The following ATP2B3 variants were observed in gnomAD, a reference collection of about 807,000 sequenced individuals.
ATP2B3 encodes the protein ATPase plasma membrane Ca2+ transporting 3.
ATP2B3 carries 12 observed loss-of-function variants against 70.8 expected under a neutral mutation model. The observed-to-expected ratio is 0.17, with a 90% confidence interval of 0.11 to 0.27. The LOEUF (loss-of-function observed/expected upper bound fraction) is 0.27. Among genes scored for constraint, ATP2B3 ranks in the 10% least tolerant of loss-of-function variants. ATP2B3 has a pLI of 1.00. For synonymous variants in ATP2B3, 460 were observed against 497.8 expected (o/e 0.92, Z 1.01); for missense variants, 858 against 1,118.5 (o/e 0.77, Z 3.32).
chrX:153,544,640 G>A (rs1201316585), intron 7 of ATP2B3, among the ~76,000 whole-genome samples: 1 of 109,813 alleles, frequency 9.1e-6, no homozygotes, highest in Non-Finnish European at 1.9e-5. Context: ...CGTCTCTCCC[G>A]CCCCATCCCC....
At chrX:153,557,279 G>T (rs2090553117) in intron 16 of ATP2B3, among the ~76,000 whole-genome samples, 2 of 112,169 alleles carry the variant, frequency 1.8e-5, no homozygotes, top group Non-Finnish European at 3.8e-5. Flanking sequence ...GAAGGGGAAT[G>T]GGGGGTGGGG....
Position 153,558,104 on chromosome X carries a change from C to T in ATP2B3, c.2434-8C>T. 1 of 1,200,619 alleles carries T rather than the reference C, an allele frequency of 8.3e-7. No homozygotes were observed. Among genetic ancestry groups the T allele is most frequent in the South Asian group, 1.8e-5 (1 of 55,032 alleles). The stretch of plus-strand genomic sequence containing the variant: ...CACTCTGTGTGAGTGTGTGTGTCAC[C>T]CCCCCAGGGCATCGCAGGGACCGAC... On this transcript the variant is annotated splice_region_variant and splice_polypyrimidine_tract_variant and intron_variant, in intron 16 of 21. Transcript: ENST00000263519.
chrX:153,536,560 C>A (rs1557004236), intron 3 of ATP2B3, 105 bp downstream of exon 3: 1 of 890,697 alleles, frequency 1.1e-6, no homozygotes, highest in African/African-American at 2.0e-5. Context: ...CAAGGGCCAC[C>A]TGTGCCCCTC....
intron 13 of ATP2B3, 95 bp from the exon 14 acceptor site, chrX:153,555,954 G>A (rs2090527869): frequency 4.8e-6 from 5 of 1,041,118 alleles, no homozygotes; most frequent in Non-Finnish European, 6.7e-6. Context: ...GCTGGACCTT[G>A]GGCCACCTGC....
chrX:153,567,989 A>T (rs1277914724), intron 21 of ATP2B3, among the ~76,000 whole-genome samples: 1 of 111,992 alleles, frequency 8.9e-6, no homozygotes, highest in Non-Finnish European at 1.9e-5. Flanking sequence ...CGTATGCCCC[A>T]AGCCAAGAAA....
chrX:153,536,717 G>A (rs1309038896), intron 3 of ATP2B3, among the ~76,000 whole-genome samples: 1 of 112,326 alleles, frequency 8.9e-6, no homozygotes, highest in Non-Finnish European at 1.9e-5. Context: ...ACACACACAG[G>A]CGGAATGGGC....
At chrX:153,569,216 G>T (rs782100481) in intron 21 of ATP2B3, 18 of 418,589 alleles carry the variant, frequency 4.3e-5, no homozygotes, top group Non-Finnish European at 6.3e-5. Context: ...AGCAGGGCGG[G>T]TTCTAATAGG....
chrX:153,579,864 A>C, intron 21 of ATP2B3, 114 bp from the exon 22 acceptor site: 2 of 675,140 alleles, frequency 3.0e-6, no homozygotes, highest in Non-Finnish European at 2.2e-6. Context: ...CCAGCCGGCC[A>C]CTGACTGTCT....
intron 21 of ATP2B3, chrX:153,569,786 A>C (rs377180849): frequency 1.7e-6 from 2 of 1,198,211 alleles, no homozygotes; most frequent in Non-Finnish European, 2.3e-6. Context: ...TTCTCTCATA[A>C]ATGGCATCTC....
chrX:153,537,548 G>A (rs1329235524), intron 3 of ATP2B3, among the ~76,000 whole-genome samples: 1 of 113,379 alleles, frequency 8.8e-6, no homozygotes, highest in African/African-American at 3.2e-5. Context: ...GAGGAGGGGG[G>A]CTGCGGGCCA....
At chrX:153,558,425 T>C in intron 17 of ATP2B3, 122 bp downstream of exon 17, 1 of 749,545 alleles carries the variant, frequency 1.3e-6, no homozygotes, top group Non-Finnish European at 1.9e-6. Flanking sequence ...ATCAAATTCA[T>C]ATGCCAAAAA....
Position 153,559,811 on chromosome X carries a change from CA to C in ATP2B3, c.2709del (p.Thr905GlnfsTer21). On this transcript the variant is annotated frameshift_variant, in exon 18 of 22. Transcript: ENST00000263519. LOFTEE classifies it high-confidence loss of function. ...GCCTCTCTGGCCCTGGCGACGGAGC[CA>C]CCCACAGAGTCGCTGCTGCTGCGGA... ...TFASLALATEPPTESLLLRKP... is the reference protein window; with the variant it reads ...TFASLALATEXPTESLLLRKP... 8.2e-7 allele frequency: 1 copy of C among 1,212,151 alleles called. No homozygotes were observed.
At chrX:153,530,088 T>C (rs782347524) in intron 2 of ATP2B3, among the ~76,000 whole-genome samples, 3 of 112,105 alleles carry the variant, frequency 2.7e-5, no homozygotes, top group African/African-American at 9.7e-5. Flanking sequence ...AGCAGTGGGG[T>C]GGGTGGGTCC....
chrX:153,557,636 G>A (rs1427212775), intron 16 of ATP2B3, among the ~76,000 whole-genome samples: 1 of 112,245 alleles, frequency 8.9e-6, no homozygotes, highest in Non-Finnish European at 1.9e-5. Context: ...GCTTGGGGCA[G>A]AGGAGAGGAC....
chrX:153,544,965 T>G (rs1285506059), intron 7 of ATP2B3, among the ~76,000 whole-genome samples: 3 of 112,929 alleles, frequency 2.7e-5, no homozygotes, highest in Admixed American at 1.8e-4. Flanking sequence ...TGCTGTGCTG[T>G]GCGGTCATCG....
At chrX:153,531,077 GA>G (rs1557001710) in intron 2 of ATP2B3, among the ~76,000 whole-genome samples, 1 of 112,887 alleles carries the variant, frequency 8.9e-6, no homozygotes. Context: ...AAGCAGAGGG[GA>G]GGGGGCAGGG....
At chrX:153,569,856 C>A in intron 21 of ATP2B3, 1 of 980,610 alleles carries the variant, frequency 1.0e-6, no homozygotes, top group South Asian at 2.2e-5. Context: ...GCATTCCGCT[C>A]ACCGTGGCTT....
intron 12 of ATP2B3, among the ~76,000 whole-genome samples, chrX:153,551,841 C>T (rs1321820209): frequency 8.9e-6 from 1 of 112,558 alleles, no homozygotes; most frequent in Non-Finnish European, 1.9e-5. Flanking sequence ...TCCCGGACTC[C>T]ACACCCTTGG....
intron 2 of ATP2B3, chrX:153,533,156 A>T (rs1335002788): frequency 9.0e-6 from 1 of 111,386 alleles, no homozygotes; most frequent in African/African-American, 3.3e-5. Context: ...GGGACTGACC[A>T]CGCGGTAGAC....
Sources: gnomAD v4.1 joint callset for allele counts (sites outside exome capture counted in the v4.1 genomes callset) on GRCh38, gnomAD v4.1.1 for gene constraint, MANE v1.5 for transcripts, NCBI Gene and HGNC (gene_info 2026-07-23, HGNC 2026-07-21) for gene names.